Variants in CDON observed in about 807,000 individuals in gnomAD.
CDON encodes the protein cell adhesion molecule-related/down-regulated by oncogenes.
CDON carries 73 observed loss-of-function variants against 120.9 expected under a neutral mutation model. The ratio of observed to expected loss-of-function variants is 0.60; its 90% confidence interval spans 0.50 to 0.73. The LOEUF (loss-of-function observed/expected upper bound fraction) is 0.73, where lower values mean the gene tolerates loss of function less well. Among genes scored for constraint, CDON ranks in the 30% least tolerant of loss-of-function variants. The probability of loss-of-function intolerance (pLI) is 0.00; values close to 1 mark genes in which losing one functional copy is unlikely to be tolerated. For synonymous variants in CDON, 566 were observed against 573.5 expected, an observed-to-expected ratio of 0.99 and a Z score of 0.19; for missense variants, 1,470 against 1,587.3, an observed-to-expected ratio of 0.93 and a Z score of 1.26.
At chr11:126,015,706 C>T (rs1193619085) in intron 6 of CDON, among the ~76,000 whole-genome samples, 196 bp from the exon 7 acceptor site, 1 of 152,128 alleles carries the variant, frequency 6.6e-6, no homozygotes, top group Non-Finnish European at 1.5e-5. Flanking sequence ...CCATATGTTG[C>T]TAATAAGATA....
chr11:125,981,168 C>T lies in CDON; in HGVS notation c.3157G>A (p.Val1053Ile), dbSNP rs1374263592. ...ACAATTCCATTGACTGCATTGGGGA[C>T]CTTATGGTGAAGGTGGGAATAGCCA... is the stretch of plus-strand genomic sequence containing the variant. ...SSGYSHLHHKVPNAVNGIVNG... is the reference protein window; with the variant it reads ...SSGYSHLHHKIPNAVNGIVNG... Residue 1053 changes from valine (V) to isoleucine (I), a missense_variant, in exon 17 of 20, where the codon GTC becomes ATC. By Grantham distance (29) the Val-to-Ile change is conservative. Transcript: ENST00000531738. 1 of 1,613,976 alleles carries T rather than the reference C, an allele frequency of 6.2e-7. No homozygotes were observed. Among genetic ancestry groups the T allele is most frequent in the African/African-American group, 1.3e-5 (1 of 74,886 alleles).
intron 3 of CDON, among the ~76,000 whole-genome samples, chr11:126,020,233 C>T (rs1333058075): frequency 1.3e-5 from 2 of 152,042 alleles, no homozygotes; most frequent in South Asian, 4.2e-4. Context: ...CAAGATAAAT[C>T]CTTTTCAATC....
intron 7 of CDON, among the ~76,000 whole-genome samples, chr11:126,014,174 TCATA>T (rs1947389393): frequency 1.3e-5 from 2 of 152,078 alleles, no homozygotes; most frequent in African/African-American, 2.4e-5. Context: ...ATAACTCATA[TCATA>T]AACAATTGAT....
chr11:126,050,016 C>A (rs897463941), intron 1 of CDON, among the ~76,000 whole-genome samples: 2 of 151,868 alleles, frequency 1.3e-5, no homozygotes, highest in African/African-American at 4.8e-5. Context: ...TAAAGAAAAG[C>A]GTTAAAAAGC....
At chr11:125,981,774 T>G (rs905756552) in intron 16 of CDON, among the ~76,000 whole-genome samples, 1 of 152,020 alleles carries the variant, frequency 6.6e-6, no homozygotes, top group Non-Finnish European at 1.5e-5. Context: ...ATTATACTTC[T>G]AAGTGCTGAA....
At chr11:126,009,632 C>T (rs188546627) in intron 8 of CDON, among the ~76,000 whole-genome samples, 1 of 152,308 alleles carries the variant, frequency 6.6e-6, no homozygotes, top group Admixed American at 6.5e-5. Context: ...TTACCCAAAA[C>T]TAAAGGCAGT....
chr11:125,989,089 T>A (rs1021097547), intron 15 of CDON, among the ~76,000 whole-genome samples: 5 of 152,130 alleles, frequency 3.3e-5, no homozygotes, highest in African/African-American at 1.2e-4. Flanking sequence ...GTGATTTACT[T>A]AGAGTCACAC....
At chr11:125,978,248 A>G in intron 18 of CDON, 56 bp downstream of exon 18, 1 of 926,864 alleles carries the variant, frequency 1.1e-6, no homozygotes. Context: ...AGGGAAAAAT[A>G]AAAGGATGCA....
In CDON at chr11:126,005,578, T is replaced by C. The variant is rs1591376894; in HGVS notation, c.1851+181A>G. 4.7e-6 allele frequency: 3 copies of C among 634,502 alleles called. No individual in the cohort carries two copies. The South Asian group carries it at 5.7e-5, about 12-fold the overall frequency. 39.3% of individuals were successfully genotyped at this position (634,502 alleles called of 1,614,324 possible). The stretch of plus-strand genomic sequence containing the variant: ...CAATTTGGGGGGAAATTATACTTCA[T>C]TCTCAGTGCTTTCCTAGGATTGGTA... On this transcript the variant is annotated intron_variant, in intron 9 of 19. Coordinates refer to ENST00000531738, the MANE Select transcript of CDON (RefSeq NM_001378964.1).
chr11:126,006,504 C>T (rs1433084871), intron 8 of CDON, among the ~76,000 whole-genome samples: 2 of 151,958 alleles, frequency 1.3e-5, no homozygotes, highest in Non-Finnish European at 2.9e-5. Flanking sequence ...CCCATCTCTA[C>T]AAAAAACACC....
chr11:126,030,402 C>G (rs748110535), intron 1 of CDON, among the ~76,000 whole-genome samples: 1 of 152,160 alleles, frequency 6.6e-6, no homozygotes, highest in Non-Finnish European at 1.5e-5. Flanking sequence ...CTGAATCATT[C>G]CTCTTCCTAG....
At chr11:125,975,708 G>A (rs1946133278) in intron 18 of CDON, among the ~76,000 whole-genome samples, 1 of 152,194 alleles carries the variant, frequency 6.6e-6, no homozygotes, top group South Asian at 2.1e-4. Flanking sequence ...AGGAGTGGGA[G>A]TAGAGCCTAG....
chr11:126,014,148 G>C (rs1486647284), intron 7 of CDON, among the ~76,000 whole-genome samples: 1 of 151,856 alleles, frequency 6.6e-6, no homozygotes, highest in Non-Finnish European at 1.5e-5. Flanking sequence ...TTGATTTTCT[G>C]AAATTTAAAA....
intron 1 of CDON, among the ~76,000 whole-genome samples, chr11:126,059,994 A>C (rs1437804234): frequency 6.6e-6 from 1 of 152,008 alleles, no homozygotes; most frequent in Non-Finnish European, 1.5e-5. Context: ...TTTTCAAGTG[A>C]CATTAAGAAT....
intron 14 of CDON, among the ~76,000 whole-genome samples, chr11:125,993,867 A>G (rs984090495): frequency 1.3e-5 from 2 of 152,228 alleles, no homozygotes; most frequent in African/African-American, 2.4e-5. Context: ...CATGCATTCC[A>G]ATTTCTCAGC....
chr11:126,033,696 G>A (rs1368276821), intron 1 of CDON, among the ~76,000 whole-genome samples: 4 of 151,974 alleles, frequency 2.6e-5, no homozygotes, highest in South Asian at 2.1e-4. Flanking sequence ...GATTAGGGAC[G>A]GTCTTCATGC....
intron 1 of CDON, among the ~76,000 whole-genome samples, chr11:126,027,969 C>CTTTT (rs769832631): frequency 3.3e-4 from 41 of 125,764 alleles, no homozygotes; most frequent in East Asian, 7.1e-4. Context: ...ATCACTCTGC[C>CTTTT]TTTTTTTTTT....
chr11:126,011,088 G>A (rs1035848250), intron 7 of CDON, among the ~76,000 whole-genome samples: 2 of 152,096 alleles, frequency 1.3e-5, no homozygotes, highest in Admixed American at 6.5e-5. Context: ...TCAAGAAAAT[G>A]GTCAATTTTG....
chr11:126,021,278 C>T lies in CDON; in HGVS notation c.319G>A (p.Val107Met), dbSNP rs1431175999. The change falls in exon 3 of 20, where the codon GTG (valine) becomes ATG (methionine). Residue 107 changes from valine to methionine, a missense_variant. Physicochemically the swap from Val to Met is conservative, Grantham distance 21. Transcript: ENST00000531738. ...CLANNSIGAI[V>M]SGPATVSVAV... is the part of the protein sequence containing the mutation. ...ACAGATACTGTCGCAGGGCCACTCA[C>T]AATGGCACCGATGCTATTGTTGGCA... 6.2e-7 allele frequency: 1 copy of T among 1,614,150 alleles called. No homozygotes were observed. The highest frequency in any genetic ancestry group is 2.2e-5 in the East Asian group (1 of 44,884).
Sources: gnomAD v4.1 joint callset for allele counts (sites outside exome capture counted in the v4.1 genomes callset) on GRCh38, gnomAD v4.1.1 for gene constraint, MANE v1.5 for transcripts, NCBI Gene and HGNC (gene_info 2026-07-23, HGNC 2026-07-21) for gene names.